The following TTLL5 variants were observed in gnomAD, a reference collection of about 807,000 sequenced individuals.
TTLL5 encodes tubulin tyrosine ligase like 5.
A neutral mutation model predicts 168.4 loss-of-function variants in TTLL5; 132 were observed. The observed-to-expected ratio is 0.78, with a 90% CI of 0.68 to 0.91. The LOEUF (loss-of-function observed/expected upper bound fraction) is 0.91. Ranked by LOEUF, TTLL5 falls within the 40% of genes least tolerant of loss-of-function variation. The probability of loss-of-function intolerance (pLI) is 0.00; values close to 1 mark genes in which losing one functional copy is unlikely to be tolerated. For synonymous variants in TTLL5, 546 were observed against 558.6 expected (o/e 0.98, Z 0.32); for missense variants, 1,545 against 1,581.5 (o/e 0.98, Z 0.39).
At position 75,742,879 on chromosome 14, in the gene TTLL5, G is replaced by T. The variant is rs549490619; in HGVS notation, c.1282-2216G>T. 5.9e-5 allele frequency among the ~76,000 whole-genome samples: 9 copies of T among 152,140 alleles called. No individual in the cohort carries two copies. The South Asian group carries it at 1.9e-3, about 32-fold the overall frequency. ...ACTTTTTAAAGATTTATAAACAATG[G>T]TTATATTATTTATATTTGTTTCCTT... On this transcript the variant is annotated intron_variant, in intron 15 of 31. Coordinates refer to ENST00000298832, the MANE Select transcript of TTLL5 (RefSeq NM_015072.5).
In TTLL5 at chr14:75,874,933, C is replaced by CTTTTTTTTTTTTTTTTTTTTTTTTTT. The variant is rs1555353208; in HGVS notation, c.3523-7734_3523-7733insTTTTTTTTTTTTTTTTTTTTTTTTTT. Among the ~76,000 whole-genome samples, 28 of 97,532 alleles carry CTTTTTTTTTTTTTTTTTTTTTTTTTT rather than the reference C, an allele frequency of 2.9e-4. 2 individuals are homozygous for CTTTTTTTTTTTTTTTTTTTTTTTTTT. Among genetic ancestry groups the CTTTTTTTTTTTTTTTTTTTTTTTTTT allele is most frequent in the East Asian group, 2.1e-3 (5 of 2,432 alleles). 64.0% of individuals were successfully genotyped at this position (97,532 alleles called of 152,430 possible). On this transcript the variant is annotated intron_variant, in intron 29 of 31. Coordinates refer to ENST00000298832, the MANE Select transcript of TTLL5 (RefSeq NM_015072.5). ...AGAGAAAAAAAAAGACACTGGGGGCCTTTTTTTTTTTTTTTTTTGAGACGG... is the reference window on the plus strand; with the variant it reads ...AGAGAAAAAAAAAGACACTGGGGGCCTTTTTTTTTTTTTTTTTTTTTTTTTTTTTTTTTTTTTTTTTTTTGAGACGG...
chr14:75,757,372 A>G (rs574338797), intron 18 of TTLL5, among the ~76,000 whole-genome samples: 2 of 152,242 alleles, frequency 1.3e-5, no homozygotes, highest in East Asian at 1.9e-4. Flanking sequence ...TCTTTTCCTA[A>G]AACAGTTCAG....
intron 29 of TTLL5, among the ~76,000 whole-genome samples, chr14:75,874,823 C>CGT (rs141459797): frequency 2.6e-4 from 39 of 148,374 alleles, no homozygotes; most frequent in African/African-American, 7.2e-4. Flanking sequence ...TGTATATATG[C>CGT]GTGTGTGTGT....
At chr14:75,773,925 T>G (rs78483444) in intron 21 of TTLL5, among the ~76,000 whole-genome samples, 3,633 of 25,750 alleles carry the variant, frequency 0.14, 139 homozygotes, top group Non-Finnish European at 0.16. Context: ...TATATATATA[T>G]ATAGAGAGAG....
At chr14:75,877,762 A>G (rs984124650) in intron 29 of TTLL5, among the ~76,000 whole-genome samples, 1 of 152,202 alleles carries the variant, frequency 6.6e-6, no homozygotes, top group African/African-American at 2.4e-5. Context: ...GAATATCAGG[A>G]CAGAACAATT....
At chr14:75,859,872 C>T (rs944023754) in intron 28 of TTLL5, among the ~76,000 whole-genome samples, 6 of 152,184 alleles carry the variant, frequency 3.9e-5, no homozygotes, top group Non-Finnish European at 7.3e-5. Context: ...AACCCCAAGG[C>T]TTGTGCTTTA....
intron 17 of TTLL5, among the ~76,000 whole-genome samples, chr14:75,748,581 G>T (rs1231507613): frequency 1.3e-5 from 2 of 152,194 alleles, no homozygotes; most frequent in Non-Finnish European, 2.9e-5. Context: ...ATGGCCTGGT[G>T]CCACTCATTT....
rs1023889736 is a variant in TTLL5 at position 75,920,272 on chromosome 14, AT to A, written c.3823+18057del. On this transcript the variant is annotated intron_variant, in intron 31 of 31. Transcript: ENST00000298832. ...AGCCCAACAATAAAAAGATAACCCA[AT>A]TTTTTTTTAAATTTAAGTTCTAGGG... is the stretch of plus-strand genomic sequence containing the variant. 1.3e-4 allele frequency among the ~76,000 whole-genome samples: 19 copies of A among 151,740 alleles called. No homozygotes were observed. In the East Asian group the frequency reaches 2.9e-3, roughly 23 times the overall value.
At chr14:75,836,141 A>G (rs1054605389) in intron 28 of TTLL5, among the ~76,000 whole-genome samples, 2 of 152,202 alleles carry the variant, frequency 1.3e-5, no homozygotes, top group African/African-American at 4.8e-5. Flanking sequence ...GAAGCAACCT[A>G]AGTATTCATC....
Position 75,954,740 on chromosome 14 carries a change from GC to G in TTLL5, c.*298del. 2.2e-6 allele frequency: 1 copy of G among 446,712 alleles called. No homozygotes were observed. Among genetic ancestry groups the G allele is most frequent in the Non-Finnish European group, 4.0e-6 (1 of 248,032 alleles). 27.7% of individuals were successfully genotyped at this position (446,712 alleles called of 1,614,324 possible). ...CACTTGTATCTTTTACCTTCCCTTT[GC>G]CCCATGCCCCCAAACTGCTTAGGTC... On this transcript the variant is annotated 3_prime_UTR_variant, in exon 32 of 32. Transcript: ENST00000298832.
intron 18 of TTLL5, among the ~76,000 whole-genome samples, chr14:75,760,208 T>C (rs941072321): frequency 6.6e-6 from 1 of 152,000 alleles, no homozygotes; most frequent in Non-Finnish European, 1.5e-5. Flanking sequence ...TAGTAAATAA[T>C]TGGAAAATGA....
chr14:75,926,512 A>G (rs995896772), intron 31 of TTLL5, among the ~76,000 whole-genome samples: 3 of 152,200 alleles, frequency 2.0e-5, no homozygotes, highest in Admixed American at 6.5e-5. Context: ...TTAAACAGGC[A>G]AAGGATTTGA....
chr14:75,786,252 T>G (rs1335953396), intron 26 of TTLL5, among the ~76,000 whole-genome samples: 1 of 152,220 alleles, frequency 6.6e-6, no homozygotes, highest in African/African-American at 2.4e-5. Context: ...TTGAACTATT[T>G]TTTCCCCATG....
chr14:75,834,225 G>A lies in TTLL5; in HGVS notation c.3326+14064G>A, dbSNP rs1193430893. 3.3e-5 allele frequency among the ~76,000 whole-genome samples: 5 copies of A among 152,178 alleles called. No homozygotes were observed. The South Asian group carries it at 6.2e-4, about 19-fold the overall frequency. ...GGTTTTTTACTAGATGAAAATGGCGGAGATTTGTGCAAAGGCAGGGAGGTA... is the reference window on the plus strand; with the variant it reads ...GGTTTTTTACTAGATGAAAATGGCGAAGATTTGTGCAAAGGCAGGGAGGTA... On this transcript the variant is annotated intron_variant, in intron 28 of 31. Transcript: ENST00000298832.
At chr14:75,831,325 C>T (rs1042336952) in intron 28 of TTLL5, among the ~76,000 whole-genome samples, 2 of 152,148 alleles carry the variant, frequency 1.3e-5, no homozygotes, top group African/African-American at 4.8e-5. Flanking sequence ...GGGGAATATT[C>T]TAATGCCTTG....
Position 75,690,877 on chromosome 14 carries a change from C to T in TTLL5, c.502+555C>T, listed in dbSNP as rs77327617. Among the ~76,000 whole-genome samples, 591 of 152,240 alleles carry T rather than the reference C, an allele frequency of 3.9e-3. 6 individuals are homozygous for T. The highest frequency in any genetic ancestry group is 0.011 in the African/African-American group (462 of 41,550). The stretch of plus-strand genomic sequence containing the variant: ...TCAAAGGATCCTCCACTCTTGGCTT[C>T]GCAAAATTCTGAGATGACAGGCATG... On this transcript the variant is annotated intron_variant, in intron 6 of 31. Coordinates refer to ENST00000298832, the MANE Select transcript of TTLL5 (RefSeq NM_015072.5).
chr14:75,875,623 A>C (rs774289137), intron 29 of TTLL5, among the ~76,000 whole-genome samples: 1 of 152,212 alleles, frequency 6.6e-6, no homozygotes, highest in Non-Finnish European at 1.5e-5. Context: ...CAGTGTGTCA[A>C]TTTATAGCAT....
chr14:75,786,742 G>C (rs1342878500), intron 26 of TTLL5, among the ~76,000 whole-genome samples: 4 of 152,074 alleles, frequency 2.6e-5, no homozygotes, highest in Non-Finnish European at 5.9e-5. Flanking sequence ...AAATTCTAAT[G>C]GGGAGAAGAA....
intron 15 of TTLL5, among the ~76,000 whole-genome samples, chr14:75,743,928 C>T (rs144393884): frequency 5.9e-5 from 9 of 152,222 alleles, no homozygotes; most frequent in Non-Finnish European, 1.2e-4. Flanking sequence ...CAGGGCCCCA[C>T]TCTCATGACT....
Sources: allele counts gnomAD v4.1 joint callset (sites outside exome capture counted in the v4.1 genomes callset), GRCh38; gene constraint gnomAD v4.1.1; transcripts MANE v1.5; gene names NCBI Gene and HGNC (gene_info 2026-07-23, HGNC 2026-07-21).